FBXL7: variants seen among roughly 807,000 people sequenced by gnomAD.
The protein encoded by FBXL7 is F-box and leucine rich repeat protein 7, also known as F-box/LRR-repeat protein 7.
Under a neutral mutation model 38.3 loss-of-function variants are expected in FBXL7, and 12 were observed. The ratio of observed to expected loss-of-function variants is 0.31; its 90% CI spans 0.20 to 0.51. The LOEUF (loss-of-function observed/expected upper bound fraction) is 0.51, where lower values mean the gene tolerates loss of function less well. Ranked by LOEUF, FBXL7 falls within the 20% of genes least tolerant of loss-of-function variation. The pLI is 0.98. For missense variants in FBXL7, 567 were observed against 676.4 expected, an observed-to-expected ratio of 0.84 and a Z score of 1.79; for synonymous variants, 297 against 300.9, an observed-to-expected ratio of 0.99 and a Z score of 0.13.
At chr5:15,836,171 C>G (rs1738587126) in intron 2 of FBXL7, among the ~76,000 whole-genome samples, 1 of 152,142 alleles carries the variant, frequency 6.6e-6, no homozygotes. Context: ...GTACCATATT[C>G]TATCAGGTTC....
intron 2 of FBXL7, among the ~76,000 whole-genome samples, chr5:15,769,108 A>G (rs1736665782): frequency 1.3e-5 from 2 of 152,144 alleles, no homozygotes; most frequent in Non-Finnish European, 2.9e-5. Context: ...CCCTCACTGC[A>G]TTGTCCGCTG....
chr5:15,851,813 TAC>T (rs35896061), intron 2 of FBXL7, among the ~76,000 whole-genome samples: 21,675 of 133,070 alleles, frequency 0.16, 1,807 homozygotes, highest in East Asian at 0.43. Flanking sequence ...TGCAAACTAA[TAC>T]ACACACACAC....
At chr5:15,819,080 T>C (rs1738099429) in intron 2 of FBXL7, among the ~76,000 whole-genome samples, 1 of 152,214 alleles carries the variant, frequency 6.6e-6, no homozygotes, top group African/African-American at 2.4e-5. Flanking sequence ...ACATAAAGGA[T>C]TGGCCAACTT....
chr5:15,632,623 G>A (rs1741036823), intron 2 of FBXL7, among the ~76,000 whole-genome samples: 1 of 152,146 alleles, frequency 6.6e-6, no homozygotes, highest in South Asian at 2.1e-4. Flanking sequence ...CAACCTAGTT[G>A]CCCATCAATG....
At chr5:15,603,000 A>G (rs934019185) in intron 1 of FBXL7, among the ~76,000 whole-genome samples, 2 of 151,974 alleles carry the variant, frequency 1.3e-5, no homozygotes, top group African/African-American at 4.8e-5. Context: ...CAACTGGCTA[A>G]TTTTTTTAAA....
At chr5:15,757,202 G>C (rs1736320935) in intron 2 of FBXL7, among the ~76,000 whole-genome samples, 1 of 152,156 alleles carries the variant, frequency 6.6e-6, no homozygotes, top group South Asian at 2.1e-4. Flanking sequence ...TCATAGGAGA[G>C]AGAGAGAGAG....
chr5:15,530,591 C>T (rs1350694878), intron 1 of FBXL7, among the ~76,000 whole-genome samples: 1 of 152,058 alleles, frequency 6.6e-6, no homozygotes, highest in Admixed American at 6.6e-5. Context: ...TAGAAGGACT[C>T]ATAGGACTCA....
intron 1 of FBXL7, among the ~76,000 whole-genome samples, chr5:15,536,676 A>G (rs1436477524): frequency 2.0e-5 from 3 of 152,018 alleles, no homozygotes; most frequent in Non-Finnish European, 4.4e-5. Flanking sequence ...CTTGCTTTTG[A>G]TTTTACAGGC....
chr5:15,764,698 C>T (rs1350778724), intron 2 of FBXL7, among the ~76,000 whole-genome samples: 1 of 152,238 alleles, frequency 6.6e-6, no homozygotes, highest in African/African-American at 2.4e-5. Flanking sequence ...TTAGTTTCCT[C>T]ATCTGTGATG....
chr5:15,784,097 G>A (rs139301299), intron 2 of FBXL7, among the ~76,000 whole-genome samples: 246 of 152,286 alleles, frequency 1.6e-3, no homozygotes, highest in African/African-American at 5.5e-3. Context: ...CACATTCTCT[G>A]TCTCTCACAG....
intron 1 of FBXL7, among the ~76,000 whole-genome samples, chr5:15,572,830 T>C (rs1420867924): frequency 6.6e-6 from 1 of 152,214 alleles, no homozygotes; most frequent in Non-Finnish European, 1.5e-5. Flanking sequence ...ACTCTCCCAC[T>C]GCCCCATACA....
chr5:15,548,296 A>G (rs1223283391), intron 1 of FBXL7, among the ~76,000 whole-genome samples: 3 of 152,222 alleles, frequency 2.0e-5, no homozygotes, highest in Non-Finnish European at 4.4e-5. Context: ...CTTCCAAGGT[A>G]AACTCCTTTG....
chr5:15,526,698 T>C (rs1737260540), intron 1 of FBXL7, among the ~76,000 whole-genome samples: 3 of 152,136 alleles, frequency 2.0e-5, no homozygotes, highest in African/African-American at 4.8e-5. Context: ...AAGGAAACTC[T>C]AGCTAAATGA....
chr5:15,645,545 A>G (rs942432032), intron 2 of FBXL7, among the ~76,000 whole-genome samples: 4 of 152,140 alleles, frequency 2.6e-5, no homozygotes, highest in Non-Finnish European at 5.9e-5. Context: ...TAAAATGTGT[A>G]AAACTGAGCT....
At chr5:15,634,257 G>GTCTTCATT (rs1741098374) in intron 2 of FBXL7, among the ~76,000 whole-genome samples, 1 of 147,324 alleles carries the variant, frequency 6.8e-6, no homozygotes, top group African/African-American at 2.5e-5. Context: ...GAAAAGTTCT[G>GTCTTCATT]TCTTCATTTT....
At chr5:15,815,849 A>G (rs1358578533) in intron 2 of FBXL7, among the ~76,000 whole-genome samples, 1 of 152,162 alleles carries the variant, frequency 6.6e-6, no homozygotes, top group Non-Finnish European at 1.5e-5. Flanking sequence ...AATTTATTTT[A>G]GATTAATTTG....
intron 2 of FBXL7, among the ~76,000 whole-genome samples, chr5:15,661,628 A>T (rs1486862809): frequency 6.6e-6 from 1 of 152,168 alleles, no homozygotes; most frequent in Non-Finnish European, 1.5e-5. Flanking sequence ...TTTGTTGTAC[A>T]GATTATTTTA....
chr5:15,931,989 C>T (rs1314483500), intron 3 of FBXL7, among the ~76,000 whole-genome samples: 2 of 152,186 alleles, frequency 1.3e-5, no homozygotes, highest in African/African-American at 4.8e-5. Flanking sequence ...GAATTCTCAA[C>T]TCATGATGAG....
At chr5:15,626,602 G>A (rs1740830933) in intron 2 of FBXL7, among the ~76,000 whole-genome samples, 1 of 149,014 alleles carries the variant, frequency 6.7e-6, no homozygotes, top group African/African-American at 2.5e-5. Flanking sequence ...TAAGGAAATT[G>A]TAAAGTAATA....
Sources: gnomAD v4.1 joint callset for allele counts (sites outside exome capture counted in the v4.1 genomes callset) on GRCh38, gnomAD v4.1.1 for gene constraint, MANE v1.5 for transcripts, NCBI Gene and HGNC (gene_info 2026-07-23, HGNC 2026-07-21) for gene names.